SAMSN1: variants seen among roughly 807,000 people sequenced by gnomAD.
SAMSN1 encodes SAM domain, SH3 domain and nuclear localization signals 1.
A neutral mutation model predicts 42.0 loss-of-function variants in SAMSN1; 31 were observed. That is an observed-to-expected ratio of 0.74 (90% CI 0.55 to 1.00). The LOEUF (loss-of-function observed/expected upper bound fraction) is 1.00, where lower values mean the gene tolerates loss of function less well. Ranked by LOEUF, SAMSN1 falls within the 50% of genes least tolerant of loss-of-function variation. The probability of loss-of-function intolerance (pLI) is 0.00; values close to 1 mark genes in which losing one functional copy is unlikely to be tolerated. For missense variants in SAMSN1, 464 were observed against 439.4 expected, an observed-to-expected ratio of 1.06 and a Z score of -0.50; for synonymous variants, 178 against 151.9, an observed-to-expected ratio of 1.17 and a Z score of -1.26.
chr21:14,644,209 C>A (rs1321197424), intron 1 of SAMSN1, among the ~76,000 whole-genome samples: 1 of 152,098 alleles, frequency 6.6e-6, no homozygotes, highest in Non-Finnish European at 1.5e-5. Flanking sequence ...GGAGTGCAGG[C>A]ATCACCCTGC....
intron 3 of SAMSN1, among the ~76,000 whole-genome samples, chr21:14,614,112 G>T (rs115733768): frequency 0.026 from 3,991 of 152,184 alleles, 106 homozygotes; most frequent in South Asian, 0.08. Flanking sequence ...CAGAAATATT[G>T]TAATAGTGAC....
rs1006032626 is a variant in SAMSN1, at chr21:14,619,760, G to C, written c.157-3744C>G. On this transcript the variant is annotated intron_variant, in intron 2 of 15. Coordinates refer to the SAMSN1 transcript ENST00000647101. ...TGTGGCATAAACCTTCAGAAATGAA[G>C]TCCCTAAAACTCAGAGAAAAGTGTA... The C allele has an allele frequency of 2.0e-5, 4 of 199,842 alleles. No individual in the cohort carries two copies. The South Asian group carries it at 3.1e-4, about 16-fold the overall frequency. 12.4% of individuals were successfully genotyped at this position (199,842 alleles called of 1,614,324 possible).
chr21:14,491,965 T>C (rs1312837488), intron 7 of SAMSN1, among the ~76,000 whole-genome samples: 1 of 151,578 alleles, frequency 6.6e-6, no homozygotes, highest in Non-Finnish European at 1.5e-5. Flanking sequence ...TAAAAAACTT[T>C]AATATCAGTA....
chr21:14,504,079 C>T (rs997845846), intron 5 of SAMSN1, among the ~76,000 whole-genome samples: 1 of 152,248 alleles, frequency 6.6e-6, no homozygotes, highest in Admixed American at 6.5e-5. Flanking sequence ...AGGGAACACC[C>T]CATGGGACAA....
intron 6 of SAMSN1, among the ~76,000 whole-genome samples, chr21:14,595,984 G>C (rs1982249187): frequency 6.6e-6 from 1 of 151,996 alleles, no homozygotes; most frequent in Non-Finnish European, 1.5e-5. Context: ...AATCTTTTAG[G>C]GAAATCAAAA....
rs115756175 is a variant in SAMSN1, at chr21:14,522,776, A to G, written c.58-1555T>C. 3.2e-3 allele frequency among the ~76,000 whole-genome samples: 491 copies of G among 152,374 alleles called. 3 individuals carry two copies. Among genetic ancestry groups the G allele is most frequent in the African/African-American group, 0.011 (478 of 41,590 alleles). On this transcript the variant is annotated intron_variant, in intron 1 of 7. Coordinates refer to ENST00000400566, the MANE Select transcript of SAMSN1 (RefSeq NM_022136.5). ...AGAAAAATTAATTTAAAAAATTAACATAATTATTTTCCCAGTTATTCCAGC... is the reference window on the plus strand; with the variant it reads ...AGAAAAATTAATTTAAAAAATTAACGTAATTATTTTCCCAGTTATTCCAGC...
In SAMSN1 at chr21:14,510,313, G is replaced by A; in HGVS notation, c.558C>T (p.Ile186=). ...GTGGGATATGATGTCCTCTCACCTTGATTTTGAGGGAGTCAGTGTCATAGG... is the reference window on the plus strand; with the variant it reads ...GTGGGATATGATGTCCTCTCACCTTAATTTTGAGGGAGTCAGTGTCATAGG... The part of the protein sequence containing the change: ...PSPYDTDSLK[I]KKGDIIDIIC... The change falls in exon 5 of 8, where the codon ATC becomes ATT. Residue 186 remains isoleucine, a synonymous_variant. Transcript: ENST00000400566. 1 of 1,614,054 alleles carries A rather than the reference G, an allele frequency of 6.2e-7. No homozygotes were observed.
chr21:14,656,474 A>C (rs1037132490), intron 1 of SAMSN1, among the ~76,000 whole-genome samples: 1 of 151,858 alleles, frequency 6.6e-6, no homozygotes, highest in Non-Finnish European at 1.5e-5. Flanking sequence ...TTACAAAGAC[A>C]TGTTAAATGC....
At chr21:14,611,202 G>A (rs1303067411) in intron 4 of SAMSN1, among the ~76,000 whole-genome samples, 2 of 151,620 alleles carry the variant, frequency 1.3e-5, no homozygotes, top group South Asian at 2.1e-4. Flanking sequence ...CAAACTAATT[G>A]TGTAGAAAGA....
intron 2 of SAMSN1, among the ~76,000 whole-genome samples, chr21:14,640,096 A>G (rs1360095893): frequency 6.6e-6 from 1 of 152,198 alleles, no homozygotes; most frequent in Non-Finnish European, 1.5e-5. Flanking sequence ...GAGAATATTG[A>G]TGATCTTATG....
At chr21:14,597,434 G>T (rs2123289526) in intron 6 of SAMSN1, among the ~76,000 whole-genome samples, 1 of 152,118 alleles carries the variant, frequency 6.6e-6, no homozygotes, top group Middle Eastern at 3.4e-3. Context: ...TTCATCTTAA[G>T]GACTAAATGA....
At chr21:14,654,212 G>A (rs1044482395) in intron 1 of SAMSN1, among the ~76,000 whole-genome samples, 1 of 151,866 alleles carries the variant, frequency 6.6e-6, no homozygotes. Context: ...AAAGTTCTAG[G>A]TATATTAACA....
intron 1 of SAMSN1, among the ~76,000 whole-genome samples, chr21:14,647,930 G>A (rs1240780652): frequency 0.013 from 1,927 of 150,706 alleles, 36 homozygotes; most frequent in African/African-American, 0.045. Context: ...TGTCGTCTGC[G>A]AACAGGGACA....
chr21:14,634,349 A>G (rs1983411572), intron 2 of SAMSN1, among the ~76,000 whole-genome samples: 1 of 152,176 alleles, frequency 6.6e-6, no homozygotes, highest in South Asian at 2.1e-4. Flanking sequence ...TCTGCACAGA[A>G]AAAGAAACTA....
intron 4 of SAMSN1, among the ~76,000 whole-genome samples, chr21:14,610,264 G>T (rs1365829112): frequency 1.3e-5 from 2 of 152,094 alleles, no homozygotes; most frequent in African/African-American, 2.4e-5. Context: ...CCCAGGGCGG[G>T]GCCTCTAAAA....
intron 2 of SAMSN1, among the ~76,000 whole-genome samples, chr21:14,571,872 G>A (rs752522788): frequency 3.6e-4 from 55 of 152,180 alleles, no homozygotes; most frequent in African/African-American, 1.1e-3. Flanking sequence ...ACTCTCACCC[G>A]TTGCTCACTG....
intron 5 of SAMSN1, among the ~76,000 whole-genome samples, chr21:14,505,658 T>G (rs774424228): frequency 6.6e-6 from 1 of 152,170 alleles, no homozygotes; most frequent in Non-Finnish European, 1.5e-5. Flanking sequence ...GTGGGGAACT[T>G]CAGTACTCCA....
At chr21:14,520,359 C>T (rs1028703983) in intron 2 of SAMSN1, among the ~76,000 whole-genome samples, 3 of 152,136 alleles carry the variant, frequency 2.0e-5, no homozygotes, top group South Asian at 2.1e-4. Context: ...ACTTACATAA[C>T]ATTTTATATA....
At chr21:14,579,361 C>T (rs1328820082) in intron 2 of SAMSN1, among the ~76,000 whole-genome samples, 1 of 152,064 alleles carries the variant, frequency 6.6e-6, no homozygotes, top group African/African-American at 2.4e-5. Flanking sequence ...ACAAAACTAC[C>T]TAAATAAAAA....
Sources: gnomAD v4.1 joint callset for allele counts (sites outside exome capture counted in the v4.1 genomes callset) on GRCh38, gnomAD v4.1.1 for gene constraint, MANE v1.5 for transcripts, NCBI Gene and HGNC (gene_info 2026-07-23, HGNC 2026-07-21) for gene names.